PALM2AKAP2: variants seen among roughly 807,000 people sequenced by gnomAD.
PALM2AKAP2 encodes the protein PALM2 and AKAP2 fusion.
Under a neutral mutation model 71.5 loss-of-function variants are expected in PALM2AKAP2, and 37 were observed. The ratio of observed to expected loss-of-function variants is 0.52; its 90% CI spans 0.40 to 0.68. The LOEUF (loss-of-function observed/expected upper bound fraction) is 0.68, where lower values mean the gene tolerates loss of function less well. PALM2AKAP2 is among the 30% of genes least tolerant of loss of function. The pLI, the probability that PALM2AKAP2 is intolerant of heterozygous loss-of-function variation, is 0.00. For missense variants in PALM2AKAP2, 1,224 were observed against 1,191.8 expected, an observed-to-expected ratio of 1.03 and a Z score of -0.40; for synonymous variants, 468 against 478.8, an observed-to-expected ratio of 0.98 and a Z score of 0.29.
At chr9:110,052,258 C>T (rs1833726014) in intron 1 of PALM2AKAP2, among the ~76,000 whole-genome samples, 1 of 152,296 alleles carries the variant, frequency 6.6e-6, no homozygotes, top group Middle Eastern at 3.4e-3. Flanking sequence ...TTCTGTAAAG[C>T]TAAAAATAAA....
intron 7 of PALM2AKAP2, among the ~76,000 whole-genome samples, chr9:110,021,198 A>C (rs1588062594): frequency 6.6e-6 from 1 of 152,208 alleles, no homozygotes; most frequent in East Asian, 1.9e-4. Context: ...AAGAGACAAA[A>C]GAGGATACTC....
chr9:109,871,257 C>T (rs962915723), intron 2 of PALM2AKAP2, among the ~76,000 whole-genome samples: 6 of 152,142 alleles, frequency 3.9e-5, no homozygotes, highest in Non-Finnish European at 7.4e-5. Flanking sequence ...ATATGGACTT[C>T]GAGCAAATTC....
chr9:109,950,283 A>G (rs1316382441), intron 6 of PALM2AKAP2, among the ~76,000 whole-genome samples: 2 of 150,836 alleles, frequency 1.3e-5, no homozygotes, highest in African/African-American at 2.5e-5. Flanking sequence ...ACAGAGCAAG[A>G]CTCTGTCTCA....
At chr9:110,161,952 G>A in intron 3 of PALM2AKAP2, 142 bp from the exon 10 acceptor site, 2 of 1,024,862 alleles carry the variant, frequency 2.0e-6, no homozygotes, top group Non-Finnish European at 1.5e-6. Context: ...GATGGAGAAA[G>A]TTTTGGCATG....
intron 3 of PALM2AKAP2, among the ~76,000 whole-genome samples, chr9:109,892,661 T>C (rs1011122512): frequency 6.6e-6 from 1 of 152,186 alleles, no homozygotes; most frequent in African/African-American, 2.4e-5. Flanking sequence ...AGGCAGTGGT[T>C]AGGGGCATGA....
chr9:110,152,097 C>G (rs1370107110), intron 2 of PALM2AKAP2, among the ~76,000 whole-genome samples: 1 of 152,088 alleles, frequency 6.6e-6, no homozygotes, highest in Non-Finnish European at 1.5e-5. Flanking sequence ...ATTAGCCAGG[C>G]ATAGTGGTGG....
chr9:110,109,015 G>C (rs569081068), intron 1 of PALM2AKAP2, among the ~76,000 whole-genome samples: 2 of 151,948 alleles, frequency 1.3e-5, no homozygotes, highest in Non-Finnish European at 2.9e-5. Flanking sequence ...AGGGTGGTAC[G>C]TTGTTAAAAC....
chr9:109,865,096 C>CTTTTTTCTTTTTTTTTT (rs1829413896), intron 1 of PALM2AKAP2, among the ~76,000 whole-genome samples: 1 of 75,640 alleles, frequency 1.3e-5, no homozygotes, highest in African/African-American at 5.5e-5. Flanking sequence ...CTACTCATTC[C>CTTTTTTCTTTTTTTTTT]TTTTTTTTTT....
chr9:109,691,938 A>C (rs902681437), intron 1 of PALM2AKAP2, among the ~76,000 whole-genome samples: 30 of 134,832 alleles, frequency 2.2e-4, no homozygotes, highest in African/African-American at 6.4e-4. Context: ...ATATATATAT[A>C]TACACATATA....
chr9:109,691,833 G>GAGATATATATATATATATATAT (rs1435538407), intron 1 of PALM2AKAP2, among the ~76,000 whole-genome samples: 1 of 36,042 alleles, frequency 2.8e-5, no homozygotes, highest in Non-Finnish European at 5.2e-5. Context: ...CCAGAAAGAC[G>GAGATATATATATATATATATAT]ATATATATAT....
At chr9:110,127,813 GTTTATTTCCAGCTATTGCTGCAGCAC>G (rs1382733500) in intron 1 of PALM2AKAP2, 1 of 152,240 alleles carries the variant, frequency 6.6e-6, no homozygotes, top group Non-Finnish European at 1.5e-5. Flanking sequence ...AGGGCTGGAA[GTTTATTTCCAGCTATTGCTGCAGCAC>G]TTCCTTCTCC....
At chr9:109,880,676 T>A in exon 3 of PALM2AKAP2, 1 of 1,613,814 alleles carries the variant, frequency 6.2e-7, no homozygotes, top group Non-Finnish European at 8.5e-7. Flanking sequence ...AAGATAACAT[T>A]CAGAGGTAGG....
At chr9:109,695,808 G>A (rs1827960841) in intron 1 of PALM2AKAP2, among the ~76,000 whole-genome samples, 1 of 152,152 alleles carries the variant, frequency 6.6e-6, no homozygotes, top group Admixed American at 6.5e-5. Flanking sequence ...TCACTCATAT[G>A]TGGGAGCTAA....
intron 6 of PALM2AKAP2, among the ~76,000 whole-genome samples, chr9:109,938,444 A>G (rs1464200325): frequency 6.6e-6 from 1 of 152,176 alleles, no homozygotes; most frequent in African/African-American, 2.4e-5. Flanking sequence ...CTGAAGCCTT[A>G]TGTTTTATCT....
At chr9:109,901,886 T>C (rs751791223) in intron 3 of PALM2AKAP2, among the ~76,000 whole-genome samples, 1 of 152,198 alleles carries the variant, frequency 6.6e-6, no homozygotes, top group Non-Finnish European at 1.5e-5. Context: ...TCATCGTGGC[T>C]GGGCCAGAGA....
intron 1 of PALM2AKAP2, among the ~76,000 whole-genome samples, chr9:109,855,724 G>C (rs1257594170): frequency 6.6e-6 from 1 of 152,170 alleles, no homozygotes; most frequent in Non-Finnish European, 1.5e-5. Flanking sequence ...GGACAGCAAT[G>C]ACCACAAAAG....
chr9:109,949,922 A>G (rs1040994045), intron 6 of PALM2AKAP2, among the ~76,000 whole-genome samples: 4 of 152,314 alleles, frequency 2.6e-5, no homozygotes, highest in African/African-American at 9.6e-5. Flanking sequence ...TGAGAAATAT[A>G]TATGAAACGG....
At chr9:110,171,468 A>T (rs1435413257) in exon 4 of PALM2AKAP2, 2 of 152,080 alleles carry the variant, frequency 1.3e-5, no homozygotes, top group African/African-American at 4.8e-5. Context: ...CTCACTGAAG[A>T]TCCTATTATA....
At chr9:109,911,914 C>G (rs1397103480) in intron 3 of PALM2AKAP2, among the ~76,000 whole-genome samples, 1 of 152,000 alleles carries the variant, frequency 6.6e-6, no homozygotes, top group Non-Finnish European at 1.5e-5. Flanking sequence ...GCAGAGTGTA[C>G]CAAAAGTTAG....
Sources: allele counts gnomAD v4.1 joint callset (sites outside exome capture counted in the v4.1 genomes callset), GRCh38; gene constraint gnomAD v4.1.1; transcripts MANE v1.5; gene names NCBI Gene and HGNC (gene_info 2026-07-23, HGNC 2026-07-21).